Variants in GRID2 observed in about 807,000 individuals in gnomAD.
The protein encoded by GRID2 is glutamate receptor ionotropic, delta-2.
Under a neutral mutation model 114.8 loss-of-function variants are expected in GRID2, and 33 were observed. The observed-to-expected ratio is 0.29, with a 90% CI of 0.22 to 0.38. GRID2 has a LOEUF of 0.38. Among genes scored for constraint, GRID2 ranks in the 10% least tolerant of loss-of-function variants. GRID2 has a pLI of 1.00. For synonymous variants in GRID2, 505 were observed against 449.9 expected, an observed-to-expected ratio of 1.12 and a Z score of -1.55; for missense variants, 1,184 against 1,257.7, an observed-to-expected ratio of 0.94 and a Z score of 0.89.
rs182500569 is a variant in GRID2, at chr4:93,450,855, C to T, written c.1546-4807C>T. On this transcript the variant is annotated intron_variant, in intron 10 of 15. Transcript: ENST00000282020. The stretch of plus-strand genomic sequence containing the variant: ...TATAGTAGATGCCTAATTATCTTAG[C>T]TATTTGCAAATAATGTAAGTGTAAA... Among the ~76,000 whole-genome samples the T allele has an allele frequency of 2.8e-3, 428 of 151,840 alleles. 2 individuals carry two copies. Among genetic ancestry groups the T allele is most frequent in the South Asian group, 0.01 (50 of 4,824 alleles).
At chr4:92,528,817 C>T (rs1725169601) in intron 1 of GRID2, among the ~76,000 whole-genome samples, 1 of 128,542 alleles carries the variant, frequency 7.8e-6, no homozygotes, top group African/African-American at 3.2e-5. Context: ...CAAGAACATC[C>T]TGTAAAAAAA....
chr4:93,678,270 G>C (rs1479088323), intron 14 of GRID2, among the ~76,000 whole-genome samples: 1 of 152,164 alleles, frequency 6.6e-6, no homozygotes, highest in Admixed American at 6.5e-5. Flanking sequence ...AGAAATATGG[G>C]AGTATGTGAA....
chr4:93,319,275 G>C (rs73840812), intron 8 of GRID2, among the ~76,000 whole-genome samples: 4,498 of 152,164 alleles, frequency 0.03, 120 homozygotes, highest in African/African-American at 0.074. Flanking sequence ...TCATAAATTA[G>C]TGACTCAGTA....
rs759811681 is a variant in GRID2, at chr4:93,216,879, G to T, written c.931G>T (p.Asp311Tyr). The T allele has an allele frequency of 6.2e-7, 1 of 1,612,516 alleles. No homozygotes were observed. Among genetic ancestry groups the T allele is most frequent in the Admixed American group, 1.7e-5 (1 of 59,964 alleles). Reference protein sequence around the residue: ...GNHRISSTLCDPKDPFAQNME... With the variant: ...GNHRISSTLCYPKDPFAQNME... Reference sequence around the variant, plus strand: ...CCATCGAATATCTTCAACATTGTGTGATCCAAAGGATCCATTTGCTCAGAA... The same window carrying T: ...CCATCGAATATCTTCAACATTGTGTTATCCAAAGGATCCATTTGCTCAGAA... Residue 311 changes from aspartate (D) to tyrosine (Y), a missense_variant, in exon 6 of 16, where the codon GAT becomes TAT. By Grantham distance (160) the Asp-to-Tyr change is radical. Coordinates refer to ENST00000282020, the MANE Select transcript of GRID2 (RefSeq NM_001510.4).
intron 14 of GRID2, among the ~76,000 whole-genome samples, chr4:93,734,573 A>G (rs1730766652): frequency 6.6e-6 from 1 of 152,048 alleles, no homozygotes. Flanking sequence ...ATATCAAAAA[A>G]TGATGTTTCC....
At chr4:92,671,910 C>T (rs62310176) in intron 2 of GRID2, among the ~76,000 whole-genome samples, 9,261 of 152,102 alleles carry the variant, frequency 0.061, 335 homozygotes, top group East Asian at 0.16. Flanking sequence ...GTATCAAATG[C>T]TGTCAGACCA....
chr4:92,429,462 T>C (rs1030970947), intron 1 of GRID2, among the ~76,000 whole-genome samples: 1 of 152,192 alleles, frequency 6.6e-6, no homozygotes, highest in East Asian at 1.9e-4. Context: ...TACCCCATTC[T>C]GTATGTGTAC....
intron 4 of GRID2, among the ~76,000 whole-genome samples, chr4:93,190,779 T>A (rs1356552152): frequency 6.6e-6 from 1 of 152,104 alleles, no homozygotes; most frequent in Non-Finnish European, 1.5e-5. Context: ...ACTGTTTTAA[T>A]CATAATTCAT....
At chr4:93,556,578 C>A (rs2149553567) in intron 13 of GRID2, among the ~76,000 whole-genome samples, 1 of 152,026 alleles carries the variant, frequency 6.6e-6, no homozygotes, top group South Asian at 2.1e-4. Flanking sequence ...AAAAGGAAGC[C>A]TCCAAGAAAT....
At chr4:93,224,165 G>A (rs540582816) in intron 6 of GRID2, among the ~76,000 whole-genome samples, 25 of 152,026 alleles carry the variant, frequency 1.6e-4, no homozygotes, top group Non-Finnish European at 3.5e-4. Flanking sequence ...AGGTACCTAT[G>A]ACATTCATAT....
chr4:93,276,369 AATC>A (rs1377629602), intron 8 of GRID2, among the ~76,000 whole-genome samples: 1 of 151,964 alleles, frequency 6.6e-6, no homozygotes, highest in Non-Finnish European at 1.5e-5. Flanking sequence ...GCAATTTTGA[AATC>A]ATAATGTGTG....
At chr4:92,604,533 G>C (rs1729365900) in intron 2 of GRID2, among the ~76,000 whole-genome samples, 1 of 151,772 alleles carries the variant, frequency 6.6e-6, no homozygotes, top group Non-Finnish European at 1.5e-5. Context: ...GGGACTTTTG[G>C]GGGTTATGGA....
intron 14 of GRID2, among the ~76,000 whole-genome samples, chr4:93,661,036 C>A: frequency 6.6e-6 from 1 of 152,148 alleles, no homozygotes; most frequent in Non-Finnish European, 1.5e-5. Flanking sequence ...GTTGGCTTTA[C>A]AAACATCCTT....
At chr4:93,222,265 C>T (rs1170340455) in intron 6 of GRID2, among the ~76,000 whole-genome samples, 3 of 151,916 alleles carry the variant, frequency 2.0e-5, no homozygotes, top group African/African-American at 7.3e-5. Flanking sequence ...GTTTCAAAGA[C>T]GTATGCACTG....
At chr4:93,265,384 G>A (rs1215804530) in intron 8 of GRID2, among the ~76,000 whole-genome samples, 1 of 152,066 alleles carries the variant, frequency 6.6e-6, no homozygotes, top group Admixed American at 6.6e-5. Context: ...CCAAGTTGTG[G>A]ACATTCTGAA....
chr4:93,012,836 T>C (rs1375938113), intron 2 of GRID2, among the ~76,000 whole-genome samples: 1 of 152,056 alleles, frequency 6.6e-6, no homozygotes, highest in Non-Finnish European at 1.5e-5. Context: ...AAATTTATTA[T>C]AGCTGAGCCA....
chr4:92,564,713 G>A (rs949123435), intron 1 of GRID2, among the ~76,000 whole-genome samples: 2 of 151,914 alleles, frequency 1.3e-5, no homozygotes, highest in African/African-American at 4.8e-5. Context: ...AAATGTTTCA[G>A]TTAAAGGGGG....
chr4:92,719,116 A>G (rs1735688812), intron 2 of GRID2, among the ~76,000 whole-genome samples: 1 of 151,878 alleles, frequency 6.6e-6, no homozygotes, highest in South Asian at 2.1e-4. Flanking sequence ...CCACCCAAGT[A>G]TCTGGGATTG....
At chr4:93,474,292 T>C (rs899364600) in intron 11 of GRID2, among the ~76,000 whole-genome samples, 8 of 152,180 alleles carry the variant, frequency 5.3e-5, no homozygotes, top group Admixed American at 6.5e-5. Flanking sequence ...CACCTATTAC[T>C]TCTCTTACTT....
Sources: gnomAD v4.1 joint callset for allele counts (sites outside exome capture counted in the v4.1 genomes callset) on GRCh38, gnomAD v4.1.1 for gene constraint, MANE v1.5 for transcripts, NCBI Gene and HGNC (gene_info 2026-07-23, HGNC 2026-07-21) for gene names.